RTEL1: variants seen among roughly 807,000 people sequenced by gnomAD.
RTEL1 encodes the protein regulator of telomere elongation helicase 1.
RTEL1 carries 86 observed loss-of-function variants against 162.2 expected under a neutral mutation model. The observed-to-expected ratio is 0.53, with a 90% CI of 0.45 to 0.63. The LOEUF is 0.63. RTEL1 is among the 30% of genes least tolerant of loss of function. The pLI, the probability that RTEL1 is intolerant of heterozygous loss-of-function variation, is 0.00. For missense variants in RTEL1, 1,941 were observed against 1,750.2 expected, an observed-to-expected ratio of 1.11 and a Z score of -1.95; for synonymous variants, 958 against 717.9, an observed-to-expected ratio of 1.33 and a Z score of -5.35.
intron 1 of RTEL1, chr20:63,658,836 G>C (rs925413607): frequency 6.4e-6 from 1 of 156,908 alleles, no homozygotes; most frequent in African/African-American, 2.4e-5. Flanking sequence ...TGCCCACCCG[G>C]GCGGATGGGG....
intron 8 of RTEL1, among the ~76,000 whole-genome samples, chr20:63,669,700 C>T (rs1601108372): frequency 6.9e-6 from 1 of 145,240 alleles, no homozygotes. Context: ...ACAGACGTTT[C>T]GCCAAGATGG....
rs2090945945 is a variant in RTEL1, at chr20:63,695,235, C to T, written c.3499+14C>T. The T allele has an allele frequency of 1.9e-6, 3 of 1,609,696 alleles. No individual in the cohort carries two copies. Among genetic ancestry groups the T allele is most frequent in the East Asian group, 2.2e-5 (1 of 44,794 alleles). On this transcript the variant is annotated intron_variant, in intron 33 of 34. Coordinates refer to ENST00000360203, the MANE Select transcript of RTEL1 (RefSeq NM_001283009.2). Reference sequence around the variant, plus strand: ...CTCCCCAACCAGGTAGGGCACCTGCCTGGCTGCTCCTGGCAGCGCCCCAAC... The same window carrying T: ...CTCCCCAACCAGGTAGGGCACCTGCTTGGCTGCTCCTGGCAGCGCCCCAAC...
At chr20:63,669,158 G>T (rs2090198009) in intron 8 of RTEL1, among the ~76,000 whole-genome samples, 1 of 152,126 alleles carries the variant, frequency 6.6e-6, no homozygotes. Flanking sequence ...CTTGGTGATT[G>T]TTTTTTGACA....
Position 63,688,163 on chromosome 20 carries a change from C to T in RTEL1, c.1620C>T (p.Ser540=). 1 of 1,612,270 alleles carries T rather than the reference C, an allele frequency of 6.2e-7. No individual in the cohort carries two copies. Among genetic ancestry groups the T allele is most frequent in the Non-Finnish European group, 8.5e-7 (1 of 1,179,950 alleles). ...GGTTTTCCGAGGAGTGCTTATCCTC[C>T]CTGGGGAAGGCTCTGGGTGAGTGCC... The part of the protein sequence containing the change: ...DRRFSEECLS[S]LGKALGNIAR... The change falls in exon 19 of 35, where the codon TCC becomes TCT. Residue 540 remains serine (S), a synonymous_variant. Coordinates refer to ENST00000360203, the MANE Select transcript of RTEL1 (RefSeq NM_001283009.2).
intron 10 of RTEL1, among the ~76,000 whole-genome samples, chr20:63,676,833 G>T (rs898525101): frequency 6.6e-6 from 1 of 152,190 alleles, no homozygotes; most frequent in African/African-American, 2.4e-5. Context: ...TACTTGGGAG[G>T]CTGAGGCAGG....
intron 2 of RTEL1, among the ~76,000 whole-genome samples, chr20:63,659,803 G>A (rs893945206): frequency 5.1e-4 from 72 of 140,700 alleles, no homozygotes; most frequent in Admixed American, 2.4e-3. Context: ...GGGCCCAGGG[G>A]ACCGGCGCTC....
intron 7 of RTEL1, 128 bp downstream of exon 7, chr20:63,666,207 TC>T (rs2090124269): frequency 1.8e-5 from 14 of 760,278 alleles, no homozygotes; most frequent in Non-Finnish European, 4.2e-6. Flanking sequence ...TAACCACCAT[TC>T]AGTACGAAAA....
intron 15 of RTEL1, 68 bp downstream of exon 15, chr20:63,685,665 A>G (rs960815113): frequency 2.5e-6 from 4 of 1,589,136 alleles, no homozygotes; most frequent in South Asian, 1.1e-5. Context: ...GGGGCCTTAC[A>G]GTCCTATAAG....
rs1156551609 is a variant in RTEL1 at position 63,668,810 on chromosome 20, C to G, written c.699+1257C>G. On this transcript the variant is annotated intron_variant, in intron 8 of 34. Transcript: ENST00000360203. This position sits in a 1 kb window ranked among gnomAD's most constrained non-coding sequence, Gnocchi z 4.3. ...CGAGTCTAACACTTTCACGGAAACG[C>G]AGAAGATCTAAAACAGCAAGATGAC... Among the ~76,000 whole-genome samples, 1 of 152,168 alleles carries G rather than the reference C, an allele frequency of 6.6e-6. No individual in the cohort carries two copies. Among genetic ancestry groups the G allele is most frequent in the Admixed American group, 6.5e-5 (1 of 15,278 alleles).
chr20:63,662,359 C>A, intron 4 of RTEL1, 187 bp from the exon 5 acceptor site: 1 of 1,184,850 alleles, frequency 8.4e-7, no homozygotes, highest in Non-Finnish European at 1.2e-6. Context: ...GCTGTCGAAT[C>A]TCCTCCCTCT....
At chr20:63,672,855 C>T (rs1331216029) in intron 9 of RTEL1, among the ~76,000 whole-genome samples, 2 of 152,202 alleles carry the variant, frequency 1.3e-5, no homozygotes, top group Non-Finnish European at 2.9e-5. Flanking sequence ...GCGCAGGGCC[C>T]CCACAGGCCG....
At position 63,689,051 on chromosome 20, in the gene RTEL1, C is replaced by G; in HGVS notation, c.1801-4C>G. ...AGGCTCAGCCTCACCAACTTTCCTT[C>G]CAGACCATCAGTGCTTACTATGCAA... On this transcript the variant is annotated splice_polypyrimidine_tract_variant and splice_region_variant and intron_variant, in intron 21 of 34. Transcript: ENST00000360203. 1 of 1,610,450 alleles carries G rather than the reference C, an allele frequency of 6.2e-7. No individual in the cohort carries two copies.
chr20:63,690,047 C>T (rs774451224), intron 24 of RTEL1, 40 bp from the exon 25 acceptor site: 103 of 1,596,886 alleles, frequency 6.5e-5, no homozygotes, highest in East Asian at 9.0e-5. Context: ...ACCCTTGAAG[C>T]GGCTGTGGGC....
At chr20:63,679,553 C>T (rs545510662) in intron 12 of RTEL1, among the ~76,000 whole-genome samples, 19 of 152,274 alleles carry the variant, frequency 1.2e-4, no homozygotes, top group Admixed American at 9.2e-4. Flanking sequence ...GCTGGCCAGG[C>T]CTCCTCTCCC....
chr20:63,687,586 C>A, intron 16 of RTEL1, 52 bp from the exon 17 acceptor site: 1 of 1,525,888 alleles, frequency 6.6e-7, no homozygotes, highest in South Asian at 1.2e-5. Context: ...GGTGGTCAGG[C>A]CCCCAGTCCC....
chr20:63,685,492 C>G, intron 14 of RTEL1, 31 bp from the exon 15 acceptor site: 1 of 1,607,504 alleles, frequency 6.2e-7, no homozygotes, highest in Non-Finnish European at 8.5e-7. Context: ...CCTCAGGCTC[C>G]TGACGGGGCT....
At chr20:63,690,597 C>G (rs999425714) in intron 26 of RTEL1, among the ~76,000 whole-genome samples, 156 bp downstream of exon 26, 2 of 152,100 alleles carry the variant, frequency 1.3e-5, no homozygotes, top group African/African-American at 4.8e-5. Flanking sequence ...AGGGCAGGGC[C>G]CCCACGGGCT....
chr20:63,685,439 T>G, intron 14 of RTEL1, 84 bp from the exon 15 acceptor site: 2 of 1,395,046 alleles, frequency 1.4e-6, no homozygotes, highest in Non-Finnish European at 2.0e-6. Context: ...GGGTGTCCTG[T>G]GACCTTCTGT....
chr20:63,684,313 T>C (rs935014509), intron 14 of RTEL1, among the ~76,000 whole-genome samples: 3 of 152,234 alleles, frequency 2.0e-5, no homozygotes, highest in Admixed American at 2.0e-4. Context: ...TTTTGTTCAC[T>C]GTGGTTTTGT....
Sources: gnomAD v4.1 joint callset for allele counts (sites outside exome capture counted in the v4.1 genomes callset) on GRCh38, gnomAD v4.1.1 for gene constraint, Gnocchi (gnomAD v3.1) non-coding constraint, MANE v1.5 for transcripts, NCBI Gene and HGNC (gene_info 2026-07-23, HGNC 2026-07-21) for gene names.